SDCCAG8: variants seen among roughly 807,000 people sequenced by gnomAD.
SDCCAG8 encodes the protein SHH signaling and ciliogenesis regulator SDCCAG8.
SDCCAG8 carries 74 observed loss-of-function variants against 101.8 expected under a neutral mutation model. The ratio of observed to expected loss-of-function variants is 0.73; its 90% confidence interval spans 0.60 to 0.88. The LOEUF (loss-of-function observed/expected upper bound fraction) is 0.88. SDCCAG8 is among the 40% of genes least tolerant of loss of function. SDCCAG8 has a pLI of 0.00. For missense variants in SDCCAG8, 787 were observed against 822.6 expected (o/e 0.96, Z 0.53); for synonymous variants, 281 against 292.9 (o/e 0.96, Z 0.41).
At chr1:243,321,666 T>C (rs1351127023) in intron 9 of SDCCAG8, among the ~76,000 whole-genome samples, 1 of 152,224 alleles carries the variant, frequency 6.6e-6, no homozygotes, top group East Asian at 1.9e-4. Flanking sequence ...GTCTTTTTTT[T>C]TGAGATAGAA....
intron 16 of SDCCAG8, among the ~76,000 whole-genome samples, chr1:243,473,109 T>A (rs1661579045): frequency 6.6e-6 from 1 of 152,160 alleles, no homozygotes; most frequent in African/African-American, 2.4e-5. Flanking sequence ...GGGGTGTGTC[T>A]GTAGAAAGCA....
chr1:243,476,015 C>G (rs747655792), intron 16 of SDCCAG8: 2 of 985,370 alleles, frequency 2.0e-6, no homozygotes, highest in Non-Finnish European at 2.4e-6. Context: ...CCTAATCACT[C>G]TGATCTGTCA....
At position 243,256,092 on chromosome 1, in the gene SDCCAG8, G is replaced by A; in HGVS notation, c.-82G>A. 2.2e-6 allele frequency: 3 copies of A among 1,371,918 alleles called. No homozygotes were observed. Among genetic ancestry groups the A allele is most frequent in the East Asian group, 4.6e-5 (2 of 43,820 alleles). The allele number at this position is 1,371,918 out of a possible 1,614,324, so 85.0% of individuals were successfully genotyped here. A position where few individuals can be genotyped will look rare whatever the true frequency, so the allele number is the denominator to read the frequency against. On this transcript the variant is annotated 5_prime_UTR_variant, in exon 1 of 18. Coordinates refer to ENST00000366541, the MANE Select transcript of SDCCAG8 (RefSeq NM_006642.5). ...GGCAGGAAGCAGGCGGGCGCTCCCC[G>A]GCCACAGGCCTGTTGTTCTCGGAAG...
At chr1:243,338,270 A>G (rs2075147460) in intron 10 of SDCCAG8, among the ~76,000 whole-genome samples, 2 of 152,130 alleles carry the variant, frequency 1.3e-5, no homozygotes, top group Non-Finnish European at 2.9e-5. Context: ...CCAAGAACAT[A>G]ATGACTGACC....
chr1:243,428,262 C>T (rs947608481), intron 16 of SDCCAG8, among the ~76,000 whole-genome samples: 2 of 152,282 alleles, frequency 1.3e-5, no homozygotes, highest in East Asian at 1.9e-4. Flanking sequence ...ATTAATGGTT[C>T]GTTCATTCAA....
In SDCCAG8 at chr1:243,286,314, C is replaced by T. The variant is rs2069610589; in HGVS notation, c.463C>T (p.Leu155Phe). 1.2e-6 allele frequency: 2 copies of T among 1,614,026 alleles called. No individual in the cohort carries two copies. The highest frequency in any genetic ancestry group is 1.7e-6 in the Non-Finnish European group (2 of 1,179,896). ...GAAAAATAAAATACAAGTAGTTGTG[C>T]TTGAAAACGAAGGGCTCCAGCAACA... ...GMKNKIQVVVLENEGLQQQLK... is the reference protein window; with the variant it reads ...GMKNKIQVVVFENEGLQQQLK... Residue 155 changes from leucine (L) to phenylalanine (F), a missense_variant, in exon 5 of 18, where the codon CTT becomes TTT. Coordinates refer to ENST00000366541, the MANE Select transcript of SDCCAG8 (RefSeq NM_006642.5).
chr1:243,428,456 G>A (rs770836313), intron 16 of SDCCAG8, among the ~76,000 whole-genome samples: 9 of 152,132 alleles, frequency 5.9e-5, no homozygotes, highest in Non-Finnish European at 1.0e-4. Flanking sequence ...AAACAACACA[G>A]ATTTGAACTG....
chr1:243,415,686 C>G lies in SDCCAG8; in HGVS notation c.1617-16C>G, dbSNP rs765508271. On this transcript the variant is annotated splice_polypyrimidine_tract_variant and intron_variant, in intron 13 of 17. Transcript: ENST00000366541. ...CTGCAGATTAAATTTCTGTATGTCT[C>G]CTCTCTGTTTTGCAGACAGGAAAAA... is the stretch of plus-strand genomic sequence containing the variant. 1.8e-5 allele frequency: 29 copies of G among 1,613,542 alleles called. No homozygotes were observed. Among genetic ancestry groups the G allele is most frequent in the African/African-American group, 2.7e-5 (2 of 74,894 alleles).
chr1:243,427,892 G>A (rs2081447011), intron 16 of SDCCAG8, among the ~76,000 whole-genome samples: 1 of 152,226 alleles, frequency 6.6e-6, no homozygotes. Flanking sequence ...TAAAGGGCCA[G>A]AGAGTAAATA....
At chr1:243,419,522 G>C (rs934544260) in intron 15 of SDCCAG8, among the ~76,000 whole-genome samples, 8 of 152,126 alleles carry the variant, frequency 5.3e-5, no homozygotes, top group African/African-American at 1.7e-4. Context: ...GCTCTCCAAG[G>C]AGACCTAATT....
At chr1:243,313,010 A>C (rs1273350423) in intron 8 of SDCCAG8, among the ~76,000 whole-genome samples, 1 of 152,202 alleles carries the variant, frequency 6.6e-6, no homozygotes, top group Admixed American at 6.5e-5. Context: ...CCAAGATGGA[A>C]CTGCTTAAAT....
At chr1:243,429,659 G>C (rs1409780170) in intron 16 of SDCCAG8, among the ~76,000 whole-genome samples, 1 of 150,634 alleles carries the variant, frequency 6.6e-6, no homozygotes, top group East Asian at 1.9e-4. Context: ...CTTCCAAGCA[G>C]GTAGGGCTAC....
At chr1:243,464,691 G>A (rs953162460) in intron 16 of SDCCAG8, among the ~76,000 whole-genome samples, 3 of 152,194 alleles carry the variant, frequency 2.0e-5, no homozygotes, top group East Asian at 1.9e-4. Flanking sequence ...GCACAACACC[G>A]TGTGAGGTGT....
chr1:243,396,802 C>T (rs1026271972), intron 13 of SDCCAG8, among the ~76,000 whole-genome samples: 14 of 152,200 alleles, frequency 9.2e-5, no homozygotes, highest in African/African-American at 3.4e-4. Flanking sequence ...TACTTTGACT[C>T]CAAATTATTG....
chr1:243,421,344 G>GA (rs1453056656), intron 15 of SDCCAG8, among the ~76,000 whole-genome samples: 3 of 152,184 alleles, frequency 2.0e-5, no homozygotes, highest in Non-Finnish European at 4.4e-5. Flanking sequence ...CGGGAAAGCT[G>GA]AGAGCATGGG....
At chr1:243,300,723 T>C (rs2071413721) in intron 6 of SDCCAG8, among the ~76,000 whole-genome samples, 1 of 152,220 alleles carries the variant, frequency 6.6e-6, no homozygotes, top group Admixed American at 6.5e-5. Context: ...TAACATTTCC[T>C]CTGTGAGGCC....
Position 243,451,341 on chromosome 1 carries a change from A to G in SDCCAG8, c.1985+24783A>G, listed in dbSNP as rs530739626. Among the ~76,000 whole-genome samples the G allele has an allele frequency of 4.6e-5, 7 of 152,324 alleles. No individual in the cohort carries two copies. The South Asian group carries it at 8.3e-4, about 18-fold the overall frequency. On this transcript the variant is annotated intron_variant, in intron 16 of 17. Transcript: ENST00000366541. ...ATGCCATACCTCCCTTAGAAACAAC[A>G]TAACAATCTCCATTAATACTTAGTT...
At chr1:243,421,610 T>C (rs1212860976) in intron 15 of SDCCAG8, among the ~76,000 whole-genome samples, 1 of 152,140 alleles carries the variant, frequency 6.6e-6, no homozygotes, top group East Asian at 1.9e-4. Context: ...ACCCCGGGGT[T>C]TGTGAATGGC....
At chr1:243,301,061 T>C (rs2071451216) in intron 6 of SDCCAG8, among the ~76,000 whole-genome samples, 2 of 152,206 alleles carry the variant, frequency 1.3e-5, no homozygotes, top group East Asian at 1.9e-4. Context: ...AAATCTGTTA[T>C]AAAAAGTTAA....
Sources: allele counts gnomAD v4.1 joint callset (sites outside exome capture counted in the v4.1 genomes callset), GRCh38; gene constraint gnomAD v4.1.1; transcripts MANE v1.5; gene names NCBI Gene and HGNC (gene_info 2026-07-23, HGNC 2026-07-21).